Variants in TRIM44 observed in about 807,000 individuals in gnomAD.
The protein encoded by TRIM44 is tripartite motif-containing protein 44.
In TRIM44, 13 loss-of-function variants were observed where a neutral mutation model predicts 37.4. The ratio of observed to expected loss-of-function variants is 0.35; its 90% CI spans 0.23 to 0.55. The LOEUF (loss-of-function observed/expected upper bound fraction) is 0.55, where lower values mean the gene tolerates loss of function less well. Ranked by LOEUF, TRIM44 falls within the 20% of genes least tolerant of loss-of-function variation. The probability of loss-of-function intolerance (pLI) is 0.89; values close to 1 mark genes in which losing one functional copy is unlikely to be tolerated. For synonymous variants in TRIM44, 175 were observed against 157.2 expected (o/e 1.11, Z -0.85); for missense variants, 426 against 437.2 (o/e 0.97, Z 0.23).
At chr11:35,704,576 T>C (rs1392458418) in intron 2 of TRIM44, among the ~76,000 whole-genome samples, 1 of 152,174 alleles carries the variant, frequency 6.6e-6, no homozygotes, top group Non-Finnish European at 1.5e-5. Flanking sequence ...GCAGAAACTC[T>C]ACAAGCCAGA....
intron 1 of TRIM44, among the ~76,000 whole-genome samples, chr11:35,679,619 G>A (rs1365056945): frequency 2.6e-5 from 4 of 152,148 alleles, no homozygotes; most frequent in African/African-American, 9.7e-5. Context: ...CTCAGCTTCA[G>A]CCAATTTCTG....
intron 4 of TRIM44, among the ~76,000 whole-genome samples, chr11:35,754,114 T>A (rs1852593502): frequency 6.6e-6 from 1 of 152,222 alleles, no homozygotes. Context: ...CTAAGCATTT[T>A]ACATGTGAGT....
At chr11:35,680,624 G>A (rs1043712984) in intron 1 of TRIM44, among the ~76,000 whole-genome samples, 2 of 152,060 alleles carry the variant, frequency 1.3e-5, no homozygotes, top group Non-Finnish European at 2.9e-5. Context: ...AAACAGTGCT[G>A]CAATAAATAC....
intron 4 of TRIM44, among the ~76,000 whole-genome samples, chr11:35,760,261 CG>C (rs1852704949): frequency 9.2e-5 from 14 of 152,186 alleles, no homozygotes; most frequent in Admixed American, 4.6e-4. Flanking sequence ...TAGCAATCAG[CG>C]AGGCTCCGTG....
chr11:35,700,303 AT>A (rs1287605982), intron 2 of TRIM44, among the ~76,000 whole-genome samples: 4 of 151,786 alleles, frequency 2.6e-5, no homozygotes, highest in Non-Finnish European at 5.9e-5. Context: ...CACACACAGA[AT>A]TTTTTTTTAC....
chr11:35,809,539 T>A lies in TRIM44; in HGVS notation c.*3154T>A, dbSNP rs1853501843. On this transcript the variant is annotated 3_prime_UTR_variant, in exon 5 of 5. Transcript: ENST00000299413. Reference sequence around the variant, plus strand: ...GCTGACTTGAGCCCACCCCCAGGAGTTAGGAGAACATTTCCTTTTTCATGC... The same window carrying A: ...GCTGACTTGAGCCCACCCCCAGGAGATAGGAGAACATTTCCTTTTTCATGC... 6.6e-6 allele frequency: 1 copy of A among 151,990 alleles called. No homozygotes were observed. The highest frequency in any genetic ancestry group is 1.5e-5 in the Non-Finnish European group (1 of 67,992). The allele number at this position is 151,990 out of a possible 1,614,324, so 9.4% of individuals were successfully genotyped here.
intron 2 of TRIM44, among the ~76,000 whole-genome samples, chr11:35,692,710 G>A (rs1436305396): frequency 1.3e-5 from 2 of 152,146 alleles, no homozygotes; most frequent in African/African-American, 4.8e-5. Flanking sequence ...GGATCATGAG[G>A]TCAGGAGATC....
intron 1 of TRIM44, among the ~76,000 whole-genome samples, chr11:35,680,634 C>T (rs1480718696): frequency 6.6e-6 from 1 of 152,080 alleles, no homozygotes; most frequent in Non-Finnish European, 1.5e-5. Flanking sequence ...GCAATAAATA[C>T]TTTTGTACAT....
At chr11:35,737,023 G>A (rs761921106) in intron 4 of TRIM44, among the ~76,000 whole-genome samples, 4 of 152,210 alleles carry the variant, frequency 2.6e-5, no homozygotes, top group Non-Finnish European at 5.9e-5. Context: ...TTACATGGTA[G>A]GGAATGTGTT....
intron 1 of TRIM44, among the ~76,000 whole-genome samples, chr11:35,667,952 A>G (rs1851350262): frequency 2.0e-5 from 3 of 152,090 alleles, no homozygotes; most frequent in Admixed American, 6.5e-5. Context: ...GGATTTTGCT[A>G]TCAAAGTTTG....
intron 4 of TRIM44, among the ~76,000 whole-genome samples, chr11:35,746,592 T>C (rs1027953431): frequency 6.6e-6 from 1 of 151,996 alleles, no homozygotes; most frequent in Non-Finnish European, 1.5e-5. Context: ...CTTTCCTAGA[T>C]GATGTGAAGT....
intron 3 of TRIM44, among the ~76,000 whole-genome samples, chr11:35,733,504 AG>A (rs1328458676): frequency 6.6e-6 from 1 of 152,200 alleles, no homozygotes; most frequent in East Asian, 1.9e-4. Flanking sequence ...GAGACATATC[AG>A]ATGATAAAAA....
At position 35,811,766 on chromosome 11, in the gene TRIM44, T is replaced by G. The variant is rs1237558210; in HGVS notation, c.*5381T>G. On this transcript the variant is annotated 3_prime_UTR_variant, in exon 5 of 5. Transcript: ENST00000299413. ...ATCTGGAGGGACAGTTTGTGGACTC[T>G]CCTCTAAATTTTCTTTTAACACATT... The G allele has an allele frequency of 1.3e-5, 2 of 152,206 alleles. No individual in the cohort carries two copies. The highest frequency in any genetic ancestry group is 3.8e-4 in the East Asian group (2 of 5,208). 9.4% of individuals were successfully genotyped at this position (152,206 alleles called of 1,614,324 possible).
intron 1 of TRIM44, among the ~76,000 whole-genome samples, chr11:35,665,722 G>A (rs1001760725): frequency 2.7e-5 from 4 of 150,224 alleles, no homozygotes; most frequent in African/African-American, 7.3e-5. Flanking sequence ...AGCCATCTGA[G>A]TAGCTGGGAT....
chr11:35,795,052 A>G (rs1376273511), intron 4 of TRIM44, among the ~76,000 whole-genome samples: 1 of 152,200 alleles, frequency 6.6e-6, no homozygotes, highest in African/African-American at 2.4e-5. Context: ...TGAGTCATTC[A>G]TTCCAAGATG....
At chr11:35,782,341 G>A (rs1393431725) in intron 4 of TRIM44, among the ~76,000 whole-genome samples, 2 of 152,150 alleles carry the variant, frequency 1.3e-5, no homozygotes, top group Non-Finnish European at 2.9e-5. Context: ...CTATACTTAT[G>A]TATAGGGCTT....
chr11:35,693,556 G>A (rs1044291386), intron 2 of TRIM44, among the ~76,000 whole-genome samples: 9 of 152,008 alleles, frequency 5.9e-5, no homozygotes, highest in Non-Finnish European at 1.0e-4. Flanking sequence ...AGTTTGATTG[G>A]GTCACATTTA....
chr11:35,799,802 G>A (rs916588842), intron 4 of TRIM44, among the ~76,000 whole-genome samples: 3 of 152,146 alleles, frequency 2.0e-5, no homozygotes, highest in African/African-American at 7.2e-5. Context: ...AGCCCTCTGT[G>A]AATAGTGGCC....
intron 2 of TRIM44, among the ~76,000 whole-genome samples, chr11:35,717,640 C>A (rs898347115): frequency 6.6e-6 from 1 of 152,142 alleles, no homozygotes; most frequent in Non-Finnish European, 1.5e-5. Flanking sequence ...TTGGTTCTAT[C>A]TGGGCAGTAG....
Sources: gnomAD v4.1 joint callset for allele counts (sites outside exome capture counted in the v4.1 genomes callset) on GRCh38, gnomAD v4.1.1 for gene constraint, MANE v1.5 for transcripts, NCBI Gene and HGNC (gene_info 2026-07-23, HGNC 2026-07-21) for gene names.